The following ST7 variants were observed in gnomAD, a reference collection of about 807,000 sequenced individuals.
ST7 encodes suppression of tumorigenicity 7, also known as suppressor of tumorigenicity 7 protein.
Under a neutral mutation model 78.7 loss-of-function variants are expected in ST7, and 28 were observed. That is an observed-to-expected ratio of 0.36 (90% CI 0.26 to 0.49). The LOEUF is 0.49. ST7 is among the 20% of genes least tolerant of loss of function. The pLI is 0.99. For synonymous variants in ST7, 247 were observed against 249.6 expected, an observed-to-expected ratio of 0.99 and a Z score of 0.10; for missense variants, 418 against 696.0, an observed-to-expected ratio of 0.60 and a Z score of 4.49.
intron 1 of ST7, among the ~76,000 whole-genome samples, chr7:117,028,558 C>T (rs1796319537): frequency 6.6e-6 from 1 of 152,188 alleles, no homozygotes; most frequent in Admixed American, 6.5e-5. Context: ...CAAGCCCGGA[C>T]TTGTCTCAGA....
At chr7:117,180,531 C>T (rs1808671319) in intron 10 of ST7, among the ~76,000 whole-genome samples, 1 of 151,968 alleles carries the variant, frequency 6.6e-6, no homozygotes, top group African/African-American at 2.4e-5. Context: ...GAGAAAGAGA[C>T]CATGTTATCC....
At chr7:116,999,722 A>T (rs1794833492) in intron 1 of ST7, among the ~76,000 whole-genome samples, 1 of 152,140 alleles carries the variant, frequency 6.6e-6, no homozygotes, top group Admixed American at 6.5e-5. Context: ...ACTGTAAGAG[A>T]ACTGATCCAT....
At chr7:116,966,475 T>C (rs1242391767) in intron 1 of ST7, among the ~76,000 whole-genome samples, 7 of 152,168 alleles carry the variant, frequency 4.6e-5, no homozygotes, top group Non-Finnish European at 1.0e-4. Context: ...GGTCTTGAAC[T>C]CCTGACCTCA....
chr7:117,137,063 T>G (rs1206182134), intron 8 of ST7: 2 of 152,160 alleles, frequency 1.3e-5, no homozygotes, highest in African/African-American at 4.8e-5. Context: ...CAACCAAAAT[T>G]CACAAAGTTA....
chr7:117,211,670 C>G (rs1427190107), intron 13 of ST7, among the ~76,000 whole-genome samples: 2 of 151,842 alleles, frequency 1.3e-5, no homozygotes, highest in South Asian at 2.1e-4. Flanking sequence ...GACATGGTAT[C>G]ACCATAGAAA....
chr7:117,134,637 A>G (rs1386471320), intron 7 of ST7, among the ~76,000 whole-genome samples: 2 of 151,912 alleles, frequency 1.3e-5, no homozygotes, highest in East Asian at 1.9e-4. Context: ...TACAATCTCA[A>G]TTTTCACTTC....
intron 1 of ST7, among the ~76,000 whole-genome samples, chr7:116,982,410 G>A (rs1793999094): frequency 6.6e-6 from 1 of 152,084 alleles, no homozygotes; most frequent in Non-Finnish European, 1.5e-5. Context: ...TTTTAGTGGA[G>A]ATGGGGTTTC....
At chr7:117,215,739 C>T (rs1359236561) in intron 13 of ST7, among the ~76,000 whole-genome samples, 2 of 152,184 alleles carry the variant, frequency 1.3e-5, no homozygotes, top group African/African-American at 4.8e-5. Flanking sequence ...AACCTTTGCT[C>T]TTACTTTCAT....
intron 1 of ST7, among the ~76,000 whole-genome samples, chr7:117,088,835 C>T (rs555736450): frequency 2.0e-5 from 3 of 152,272 alleles, no homozygotes; most frequent in African/African-American, 7.2e-5. Flanking sequence ...TCACTCCAGC[C>T]ACCCCATAAG....
rs544106347 is a variant in ST7 at position 117,192,377 on chromosome 7, A to G, written c.1254+1441A>G. On this transcript the variant is annotated intron_variant, in intron 12 of 15. Transcript: ENST00000323984. ...CTTGTGTTCCACTTGTGATTCTGTCATTTATCAGCCATTGGACATTGGGCT... is the reference window on the plus strand; with the variant it reads ...CTTGTGTTCCACTTGTGATTCTGTCGTTTATCAGCCATTGGACATTGGGCT... Among the ~76,000 whole-genome samples, 10 of 152,244 alleles carry G rather than the reference A, an allele frequency of 6.6e-5. No individual in the cohort carries two copies. The South Asian group carries it at 1.9e-3, about 28-fold the overall frequency.
At chr7:117,084,477 G>A (rs1451620370) in intron 1 of ST7, among the ~76,000 whole-genome samples, 1 of 152,160 alleles carries the variant, frequency 6.6e-6, no homozygotes, top group Non-Finnish European at 1.5e-5. Flanking sequence ...TCCAGTGTAA[G>A]AAGCCCTTAG....
chr7:116,967,351 C>G (rs2116222108), intron 1 of ST7: 1 of 471,262 alleles, frequency 2.1e-6, no homozygotes, highest in African/African-American at 2.0e-5. Flanking sequence ...TTGCGCTACT[C>G]TCACTTCTGG....
At position 116,971,515 on chromosome 7, in the gene ST7, GA is replaced by G. The variant is rs141511141; in HGVS notation, c.151+17834del. 2.2e-3 allele frequency among the ~76,000 whole-genome samples: 329 copies of G among 147,930 alleles called. 1 individual carries two copies. The highest frequency in any genetic ancestry group is 1.4e-3 in the Non-Finnish European group (93 of 66,746). On this transcript the variant is annotated intron_variant, in intron 1 of 15. Transcript: ENST00000323984. ...ACATCCTGATTTGGTCAATTCTAAT[GA>G]AAAAAAAAATAAGAAAAAAGAAATA...
chr7:116,956,811 T>C (rs1194894909), intron 1 of ST7: 1 of 366,302 alleles, frequency 2.7e-6, no homozygotes, highest in East Asian at 7.3e-5. Flanking sequence ...TGAATGAGTT[T>C]GTAAAACCCA....
At chr7:117,223,172 G>A in intron 15 of ST7, 1 of 588,246 alleles carries the variant, frequency 1.7e-6, no homozygotes, top group African/African-American at 1.9e-5. Flanking sequence ...TAGGCCTTCA[G>A]TAAATGTGAT....
At chr7:116,963,273 A>G (rs1421088713) in intron 1 of ST7, among the ~76,000 whole-genome samples, 1 of 152,254 alleles carries the variant, frequency 6.6e-6, no homozygotes. Context: ...TTGTAAAGAT[A>G]TCTGTAAAGG....
chr7:116,961,525 C>T (rs1792820768), intron 1 of ST7, among the ~76,000 whole-genome samples: 1 of 150,236 alleles, frequency 6.7e-6, no homozygotes, highest in Admixed American at 6.7e-5. Flanking sequence ...GTGTAGTGAT[C>T]CTTCACCTCC....
At chr7:117,101,606 C>T (rs187522324) in intron 2 of ST7, among the ~76,000 whole-genome samples, 54 of 152,266 alleles carry the variant, frequency 3.5e-4, no homozygotes, top group African/African-American at 1.2e-3. Flanking sequence ...AACTCTTTGC[C>T]TCTCAAGAGT....
intron 15 of ST7, 123 bp downstream of exon 15, chr7:117,222,185 C>T (rs1194200314): frequency 1.8e-6 from 2 of 1,112,558 alleles, no homozygotes; most frequent in Non-Finnish European, 2.4e-6. Context: ...GATCATTGCT[C>T]ACCATTTAAT....
Sources: allele counts gnomAD v4.1 joint callset (sites outside exome capture counted in the v4.1 genomes callset), GRCh38; gene constraint gnomAD v4.1.1; transcripts MANE v1.5; gene names NCBI Gene and HGNC (gene_info 2026-07-23, HGNC 2026-07-21).